Variants in FHIT observed in about 807,000 individuals in gnomAD.
FHIT encodes fragile histidine triad diadenosine triphosphatase.
In FHIT, 19 loss-of-function variants were observed where a neutral mutation model predicts 17.9. The observed-to-expected ratio is 1.06, with a 90% CI of 0.74 to 1.56. FHIT has a LOEUF of 1.56. Among genes scored for constraint, FHIT ranks in the 40% most tolerant of loss-of-function variants. The pLI is 0.00. For missense variants in FHIT, 248 were observed against 189.2 expected (o/e 1.31, Z -1.82); for synonymous variants, 81 against 69.7 (o/e 1.16, Z -0.81).
intron 3 of FHIT, among the ~76,000 whole-genome samples, chr3:60,901,908 T>A (rs2107226819): frequency 6.6e-6 from 1 of 152,300 alleles, no homozygotes; most frequent in South Asian, 2.1e-4. Flanking sequence ...ATAAGTACTG[T>A]TTTGTCCTCG....
chr3:60,074,948 T>C lies in FHIT; in HGVS notation c.104-60796A>G, dbSNP rs76635641. Among the ~76,000 whole-genome samples, 1,311 of 152,160 alleles carry C rather than the reference T, an allele frequency of 8.6e-3. 22 individuals carry two copies. Among genetic ancestry groups the C allele is most frequent in the African/African-American group, 0.029 (1,196 of 41,522 alleles). Reference sequence around the variant, plus strand: ...TCTCCCTTTCACTGGATCCAAGACATGAAGCAATGAAAACGAATGGGTGAA... The same window carrying C: ...TCTCCCTTTCACTGGATCCAAGACACGAAGCAATGAAAACGAATGGGTGAA... On this transcript the variant is annotated intron_variant, in intron 5 of 9. Coordinates refer to ENST00000492590, the MANE Select transcript of FHIT (RefSeq NM_002012.4).
At chr3:60,748,507 C>T (rs868961936) in intron 4 of FHIT, among the ~76,000 whole-genome samples, 2 of 152,088 alleles carry the variant, frequency 1.3e-5, no homozygotes, top group South Asian at 2.1e-4. Context: ...ACACATCCTC[C>T]CGTATAATTT....
chr3:60,894,807 A>C (rs753323877), intron 3 of FHIT, among the ~76,000 whole-genome samples: 1 of 152,152 alleles, frequency 6.6e-6, no homozygotes, highest in Non-Finnish European at 1.5e-5. Context: ...ATTTGCTATT[A>C]TTTTGCCATA....
At chr3:60,299,069 T>C (rs1576441246) in intron 5 of FHIT, among the ~76,000 whole-genome samples, 1 of 152,170 alleles carries the variant, frequency 6.6e-6, no homozygotes, top group East Asian at 1.9e-4. Context: ...TCTCTGTCCC[T>C]GCCTATGTAA....
intron 5 of FHIT, among the ~76,000 whole-genome samples, chr3:60,082,254 T>C (rs1703320805): frequency 6.6e-6 from 1 of 152,142 alleles, no homozygotes. Flanking sequence ...GTTAATTTGC[T>C]TAGGATAATG....
At chr3:60,815,603 G>T (rs1363531714) in intron 4 of FHIT, among the ~76,000 whole-genome samples, 1 of 152,034 alleles carries the variant, frequency 6.6e-6, no homozygotes, top group African/African-American at 2.4e-5. Flanking sequence ...TGTCTGTCTT[G>T]TACCAGTACT....
At chr3:60,648,749 C>G (rs1553687471) in intron 4 of FHIT, among the ~76,000 whole-genome samples, 1 of 152,208 alleles carries the variant, frequency 6.6e-6, no homozygotes, top group Non-Finnish European at 1.5e-5. Context: ...AGGAGCGAGT[C>G]AGAACTCCCA....
At chr3:60,033,332 C>T (rs1012578551) in intron 5 of FHIT, among the ~76,000 whole-genome samples, 34 of 151,998 alleles carry the variant, frequency 2.2e-4, no homozygotes, top group African/African-American at 8.0e-4. Context: ...CCCGTCTCTA[C>T]TAAAAATACA....
rs111751222 is a variant in FHIT at position 60,340,598 on chromosome 3, C to A, written c.103+196262G>T. ...AATCACTTGAGAACATTTTAAGCAACATGTCAGAATATGCAAGACGATGGG... is the reference window on the plus strand; with the variant it reads ...AATCACTTGAGAACATTTTAAGCAAAATGTCAGAATATGCAAGACGATGGG... On this transcript the variant is annotated intron_variant, in intron 5 of 9. Coordinates refer to ENST00000492590, the MANE Select transcript of FHIT (RefSeq NM_002012.4). Among the ~76,000 whole-genome samples the A allele has an allele frequency of 3.1e-3, 467 of 152,316 alleles. 1 individual carries two copies. Among genetic ancestry groups the A allele is most frequent in the African/African-American group, 0.011 (447 of 41,562 alleles).
intron 8 of FHIT, among the ~76,000 whole-genome samples, chr3:59,840,233 CA>C (rs1701481476): frequency 1.3e-5 from 2 of 152,160 alleles, no homozygotes; most frequent in Admixed American, 1.3e-4. Flanking sequence ...AGCCAAAATG[CA>C]ACTGTGTAAT....
In FHIT at chr3:60,389,337, C is replaced by T. The variant is rs368657543; in HGVS notation, c.103+147523G>A. ...GATATTTATGGCAAGTTTTAGGTAACGGTGCCTTTGAACACTAACTTTCAG... is the reference window on the plus strand; with the variant it reads ...GATATTTATGGCAAGTTTTAGGTAATGGTGCCTTTGAACACTAACTTTCAG... On this transcript the variant is annotated intron_variant, in intron 5 of 9. Coordinates refer to ENST00000492590, the MANE Select transcript of FHIT (RefSeq NM_002012.4). 6.2e-4 allele frequency among the ~76,000 whole-genome samples: 94 copies of T among 152,230 alleles called. 1 individual carries two copies. The highest frequency in any genetic ancestry group is 2.1e-3 in the African/African-American group (89 of 41,542).
In FHIT at chr3:60,459,360, G is replaced by A. The variant is rs899890490; in HGVS notation, c.103+77500C>T. Among the ~76,000 whole-genome samples the A allele has an allele frequency of 2.6e-5, 4 of 152,126 alleles. No individual in the cohort carries two copies. The South Asian group carries it at 8.3e-4, about 32-fold the overall frequency. ...GATAGTATACACCAAGTAAATAAAT[G>A]TCAAAGATCAATTAACTAAAACAAA... On this transcript the variant is annotated intron_variant, in intron 5 of 9. Coordinates refer to ENST00000492590, the MANE Select transcript of FHIT (RefSeq NM_002012.4).
rs145230795 is a variant in FHIT, at chr3:61,091,751, G to A, written c.-163-49652C>T. 1.3e-4 allele frequency among the ~76,000 whole-genome samples: 19 copies of A among 151,602 alleles called. No homozygotes were observed. In the East Asian group the frequency reaches 3.1e-3, roughly 25 times the overall value. On this transcript the variant is annotated intron_variant, in intron 2 of 9. Coordinates refer to ENST00000492590, the MANE Select transcript of FHIT (RefSeq NM_002012.4). ...TCACTTGAGCCCAGGAGTTTGAGAC[G>A]AGCCTGGACACCATGGCAAAACCCA...
intron 5 of FHIT, among the ~76,000 whole-genome samples, chr3:60,157,067 C>G (rs1434889313): frequency 6.6e-6 from 1 of 151,854 alleles, no homozygotes; most frequent in East Asian, 1.9e-4. Flanking sequence ...TAAATCAATA[C>G]TCATTTATAA....
intron 4 of FHIT, among the ~76,000 whole-genome samples, chr3:60,629,977 G>A (rs2039396783): frequency 6.6e-6 from 1 of 152,176 alleles, no homozygotes; most frequent in African/African-American, 2.4e-5. Context: ...GACAGTGTCA[G>A]GACCTTGCTC....
At chr3:61,096,176 T>C (rs1309788472) in intron 2 of FHIT, among the ~76,000 whole-genome samples, 3 of 152,164 alleles carry the variant, frequency 2.0e-5, no homozygotes, top group Non-Finnish European at 4.4e-5. Context: ...ACACCCTAAA[T>C]GATGCTGTGC....
intron 5 of FHIT, among the ~76,000 whole-genome samples, chr3:60,073,073 TG>T (rs959843106): frequency 2.0e-5 from 3 of 152,208 alleles, no homozygotes; most frequent in Non-Finnish European, 4.4e-5. Context: ...TCTTTCCTAT[TG>T]GGGGAAATTT....
chr3:60,522,627 AT>A (rs2035415326), intron 5 of FHIT, among the ~76,000 whole-genome samples: 1 of 152,160 alleles, frequency 6.6e-6, no homozygotes. Context: ...CTCAGAACAT[AT>A]TTTTGAGAAA....
intron 7 of FHIT, among the ~76,000 whole-genome samples, chr3:59,986,938 T>C: frequency 8.1e-6 from 1 of 123,922 alleles, no homozygotes; most frequent in South Asian, 2.4e-4. Context: ...ATGTATAGGA[T>C]TTATATACAT....
Sources: allele counts gnomAD v4.1 joint callset (sites outside exome capture counted in the v4.1 genomes callset), GRCh38; gene constraint gnomAD v4.1.1; transcripts MANE v1.5; gene names NCBI Gene and HGNC (gene_info 2026-07-23, HGNC 2026-07-21).